DOCK3: variants seen among roughly 807,000 people sequenced by gnomAD.
DOCK3 encodes dedicator of cytokinesis 3.
In DOCK3, 60 loss-of-function variants were observed where a neutral mutation model predicts 265.6. The observed-to-expected ratio is 0.23, with a 90% CI of 0.18 to 0.28. DOCK3 has a LOEUF of 0.28. Among genes scored for constraint, DOCK3 ranks in the 10% least tolerant of loss-of-function variants. The probability of loss-of-function intolerance (pLI) is 1.00; values close to 1 mark genes in which losing one functional copy is unlikely to be tolerated. For missense variants in DOCK3, 1,981 were observed against 2,594.3 expected (o/e 0.76, Z 5.14); for synonymous variants, 881 against 938.0 (o/e 0.94, Z 1.11).
intron 9 of DOCK3, among the ~76,000 whole-genome samples, chr3:51,133,152 G>T (rs952930496): frequency 1.3e-5 from 2 of 152,152 alleles, no homozygotes; most frequent in Non-Finnish European, 2.9e-5. Flanking sequence ...CACTCGAAAA[G>T]AACTGCTTGA....
intron 1 of DOCK3, among the ~76,000 whole-genome samples, chr3:50,762,716 G>A (rs1038898410): frequency 6.7e-6 from 1 of 148,378 alleles, no homozygotes; most frequent in African/African-American, 2.5e-5. Flanking sequence ...ATATTCTGAG[G>A]TTTTTTTTTT....
intron 3 of DOCK3, among the ~76,000 whole-genome samples, chr3:50,866,139 C>T (rs1468322364): frequency 6.6e-6 from 1 of 151,910 alleles, no homozygotes; most frequent in South Asian, 2.1e-4. Context: ...TTGATGTGAT[C>T]CCGTTTGTCC....
intron 12 of DOCK3, among the ~76,000 whole-genome samples, chr3:51,165,121 T>C (rs1481141987): frequency 6.6e-6 from 1 of 151,982 alleles, no homozygotes; most frequent in Non-Finnish European, 1.5e-5. Context: ...GTATTTTTGG[T>C]AGAGATGGGG....
At chr3:51,331,820 A>G (rs1002317581) in intron 33 of DOCK3, among the ~76,000 whole-genome samples, 1 of 152,120 alleles carries the variant, frequency 6.6e-6, no homozygotes, top group Non-Finnish European at 1.5e-5. Context: ...GATATGAAAA[A>G]TCTCCAAAAG....
At chr3:50,826,233 T>C (rs953747380) in intron 2 of DOCK3, among the ~76,000 whole-genome samples, 4 of 152,164 alleles carry the variant, frequency 2.6e-5, no homozygotes, top group African/African-American at 9.7e-5. Flanking sequence ...CTGCGTTCTG[T>C]AGTTGCTACC....
intron 5 of DOCK3, among the ~76,000 whole-genome samples, chr3:50,956,951 C>T (rs996575428): frequency 3.9e-5 from 6 of 152,166 alleles, no homozygotes; most frequent in African/African-American, 1.4e-4. Context: ...CAACCTCCAC[C>T]TCCTGGGTTC....
chr3:50,828,429 A>C (rs766998701), intron 2 of DOCK3, among the ~76,000 whole-genome samples: 1 of 151,466 alleles, frequency 6.6e-6, no homozygotes, highest in Non-Finnish European at 1.5e-5. Flanking sequence ...TTTTGAGACA[A>C]AGTCTCACTA....
Position 51,146,454 on chromosome 3 carries a change from G to T in DOCK3, c.747-95G>T. On this transcript the variant is annotated intron_variant, in intron 9 of 52. Coordinates refer to ENST00000266037, the MANE Select transcript of DOCK3 (RefSeq NM_004947.5). ...CTTGCTTGTCACTGCAAGCTGTTATGTAAATATGTTTAGTGTTTTTCCGTA... is the reference window on the plus strand; with the variant it reads ...CTTGCTTGTCACTGCAAGCTGTTATTTAAATATGTTTAGTGTTTTTCCGTA... The T allele has an allele frequency of 2.3e-6, 3 of 1,303,844 alleles. No individual in the cohort carries two copies. The South Asian group carries it at 4.0e-5, about 17-fold the overall frequency. 80.8% of individuals were successfully genotyped at this position (1,303,844 alleles called of 1,614,324 possible).
chr3:50,877,277 T>G, intron 3 of DOCK3: 1 of 351,714 alleles, frequency 2.8e-6, no homozygotes. Flanking sequence ...GATTTCTTAC[T>G]CTTGATATTT....
At chr3:51,214,677 G>C (rs553337081) in intron 14 of DOCK3, among the ~76,000 whole-genome samples, 1 of 152,280 alleles carries the variant, frequency 6.6e-6, no homozygotes, top group East Asian at 1.9e-4. Context: ...CATATGTGTA[G>C]GAATAGCAGA....
chr3:51,065,713 T>C (rs1408313112), intron 6 of DOCK3, among the ~76,000 whole-genome samples: 2 of 152,196 alleles, frequency 1.3e-5, no homozygotes, highest in African/African-American at 2.4e-5. Context: ...TTCTGGCATT[T>C]AAGGACTTTA....
chr3:50,866,209 A>T (rs2047134806), intron 3 of DOCK3, among the ~76,000 whole-genome samples: 1 of 152,040 alleles, frequency 6.6e-6, no homozygotes, highest in Admixed American at 6.6e-5. Context: ...TGTCAGGGTC[A>T]GGCGCAGTGG....
At chr3:51,310,966 T>A (rs544538195) in intron 28 of DOCK3, among the ~76,000 whole-genome samples, 16 of 152,356 alleles carry the variant, frequency 1.1e-4, no homozygotes, top group African/African-American at 3.8e-4. Flanking sequence ...AAAGTGTCTG[T>A]TAGATATATT....
chr3:50,977,980 G>T (rs2077529132), intron 5 of DOCK3, among the ~76,000 whole-genome samples: 1 of 152,000 alleles, frequency 6.6e-6, no homozygotes. Context: ...CTCGAGCCTT[G>T]GTTTTCAGCT....
At chr3:50,759,266 A>T (rs1435513989) in intron 1 of DOCK3, among the ~76,000 whole-genome samples, 8 of 152,074 alleles carry the variant, frequency 5.3e-5, no homozygotes, top group Admixed American at 5.2e-4. Flanking sequence ...TATTCTGTTT[A>T]ATTTTTTTAG....
At chr3:51,003,874 A>T (rs1238327791) in intron 5 of DOCK3, among the ~76,000 whole-genome samples, 3 of 152,322 alleles carry the variant, frequency 2.0e-5, no homozygotes, top group East Asian at 3.9e-4. Context: ...ACTGCTAGCC[A>T]CTATAGGATA....
At chr3:50,934,247 G>T (rs2051232804) in intron 5 of DOCK3, among the ~76,000 whole-genome samples, 170 bp downstream of exon 5, 1 of 152,128 alleles carries the variant, frequency 6.6e-6, no homozygotes, top group Non-Finnish European at 1.5e-5. Flanking sequence ...AACCTGAGGA[G>T]AACACATTAT....
intron 2 of DOCK3, among the ~76,000 whole-genome samples, chr3:50,809,860 G>A (rs2043637202): frequency 6.6e-6 from 1 of 152,174 alleles, no homozygotes; most frequent in South Asian, 2.1e-4. Context: ...GGTGATATTT[G>A]TCAGAGTAGT....
intron 14 of DOCK3, among the ~76,000 whole-genome samples, chr3:51,218,737 G>T (rs1489377518): frequency 6.6e-6 from 1 of 152,170 alleles, no homozygotes; most frequent in African/African-American, 2.4e-5. Flanking sequence ...GTCCATCTAT[G>T]ATTTATTATG....
Sources: allele counts gnomAD v4.1 joint callset (sites outside exome capture counted in the v4.1 genomes callset), GRCh38; gene constraint gnomAD v4.1.1; transcripts MANE v1.5; gene names NCBI Gene and HGNC (gene_info 2026-07-23, HGNC 2026-07-21).